The following INPP4B variants were observed in gnomAD, a reference collection of about 807,000 sequenced individuals.
The protein encoded by INPP4B is inositol polyphosphate-4-phosphatase type II B.
INPP4B carries 55 observed loss-of-function variants against 122.5 expected under a neutral mutation model. The ratio of observed to expected loss-of-function variants is 0.45; its 90% confidence interval spans 0.36 to 0.56. INPP4B has a LOEUF of 0.56. INPP4B is among the 20% of genes least tolerant of loss of function. INPP4B has a pLI of 0.00. For synonymous variants in INPP4B, 403 were observed against 388.7 expected (o/e 1.04, Z -0.43); for missense variants, 1,000 against 1,097.7 (o/e 0.91, Z 1.26).
chr4:142,623,098 C>T (rs1745335220), intron 2 of INPP4B, among the ~76,000 whole-genome samples: 1 of 151,946 alleles, frequency 6.6e-6, no homozygotes, highest in South Asian at 2.1e-4. Context: ...ATGGAAACTC[C>T]AGAGTCAAAT....
At chr4:142,801,498 A>G (rs1778005084) in intron 1 of INPP4B, among the ~76,000 whole-genome samples, 1 of 152,218 alleles carries the variant, frequency 6.6e-6, no homozygotes, top group Non-Finnish European at 1.5e-5. Context: ...GAGTGGAGGC[A>G]TCTGCAAGCC....
At chr4:142,759,421 C>T (rs1168578494) in intron 1 of INPP4B, among the ~76,000 whole-genome samples, 2 of 152,134 alleles carry the variant, frequency 1.3e-5, no homozygotes, top group Non-Finnish European at 2.9e-5. Context: ...TGAACCCAAA[C>T]TCTATTAGAG....
At chr4:142,136,589 A>C (rs1804401109) in intron 18 of INPP4B, among the ~76,000 whole-genome samples, 1 of 152,162 alleles carries the variant, frequency 6.6e-6, no homozygotes, top group Non-Finnish European at 1.5e-5. Context: ...TTCTCAGAAG[A>C]GTTTAATATG....
chr4:142,042,548 A>G (rs531470181), intron 25 of INPP4B, among the ~76,000 whole-genome samples: 5 of 30,852 alleles, frequency 1.6e-4, no homozygotes, highest in South Asian at 1.5e-3. Context: ...GTATGTATGT[A>G]TGTATGTATG....
At chr4:142,394,435 G>A (rs1166146410) in intron 7 of INPP4B, among the ~76,000 whole-genome samples, 4 of 152,250 alleles carry the variant, frequency 2.6e-5, no homozygotes, top group East Asian at 3.9e-4. Flanking sequence ...TACAGCCACC[G>A]CACCTGGCCA....
intron 2 of INPP4B, among the ~76,000 whole-genome samples, chr4:142,512,253 G>A (rs1046287338): frequency 2.6e-5 from 4 of 152,096 alleles, no homozygotes; most frequent in South Asian, 2.1e-4. Context: ...TAGGTATACA[G>A]CACCATGCTA....
chr4:142,152,066 C>CTTTTTTTTTTTTTTTTTTTTTTTTTT lies in INPP4B; in HGVS notation c.1564-6096_1564-6071dup, dbSNP rs572092121. Among the ~76,000 whole-genome samples, 12 of 69,954 alleles carry CTTTTTTTTTTTTTTTTTTTTTTTTTT rather than the reference C, an allele frequency of 1.7e-4. 2 individuals carry two copies. Among genetic ancestry groups the CTTTTTTTTTTTTTTTTTTTTTTTTTT allele is most frequent in the African/African-American group, 6.7e-4 (12 of 18,004 alleles). 45.9% of individuals were successfully genotyped at this position (69,954 alleles called of 152,430 possible). ...TGCCTAACATGCTTTTTTGTCTTTT[C>CTTTTTTTTTTTTTTTTTTTTTTTTTT]TTTTTTTTTTTTTTTTTTTTTTTTT... On this transcript the variant is annotated intron_variant, in intron 17 of 25. Transcript: ENST00000262992.
chr4:142,158,729 G>T (rs899849578), intron 17 of INPP4B, among the ~76,000 whole-genome samples: 1 of 151,586 alleles, frequency 6.6e-6, no homozygotes, highest in East Asian at 1.9e-4. Flanking sequence ...TTAATAAAAG[G>T]TTTCAAAAAT....
intron 25 of INPP4B, among the ~76,000 whole-genome samples, chr4:142,055,009 G>A (rs964292640): frequency 3.3e-5 from 5 of 152,026 alleles, no homozygotes; most frequent in African/African-American, 9.7e-5. Context: ...ATATACATGT[G>A]TATATGTTTG....
intron 1 of INPP4B, among the ~76,000 whole-genome samples, chr4:142,812,552 G>C (rs1426830907): frequency 6.6e-6 from 1 of 151,976 alleles, no homozygotes; most frequent in African/African-American, 2.4e-5. Flanking sequence ...GTATTGTAAT[G>C]GACATAAGCA....
At chr4:142,761,374 G>A (rs2150974461) in intron 1 of INPP4B, among the ~76,000 whole-genome samples, 1 of 152,086 alleles carries the variant, frequency 6.6e-6, no homozygotes, top group South Asian at 2.1e-4. Context: ...TGAGAATAGA[G>A]AAAATGTACT....
chr4:142,476,787 A>G (rs565760437), intron 2 of INPP4B, among the ~76,000 whole-genome samples: 95 of 152,330 alleles, frequency 6.2e-4, no homozygotes, highest in Middle Eastern at 6.8e-3. Flanking sequence ...CCAATGCAGG[A>G]GCACCCAGAT....
intron 6 of INPP4B, among the ~76,000 whole-genome samples, chr4:142,404,170 A>C (rs906739447): frequency 3.3e-5 from 5 of 152,184 alleles, no homozygotes; most frequent in Non-Finnish European, 7.4e-5. Context: ...CCAACACTGG[A>C]ACCTAAAGTT....
intron 10 of INPP4B, among the ~76,000 whole-genome samples, chr4:142,260,967 A>C (rs1426797554): frequency 6.6e-6 from 1 of 152,218 alleles, no homozygotes; most frequent in Non-Finnish European, 1.5e-5. Flanking sequence ...TGCAACTTTA[A>C]ATAAAAGACA....
At chr4:142,424,053 T>G (rs1174607472) in intron 5 of INPP4B, among the ~76,000 whole-genome samples, 1 of 152,016 alleles carries the variant, frequency 6.6e-6, no homozygotes, top group African/African-American at 2.4e-5. Context: ...ACACAAACCA[T>G]CTGCTCATAC....
At chr4:142,790,233 G>A (rs1327941836) in intron 1 of INPP4B, among the ~76,000 whole-genome samples, 1 of 151,930 alleles carries the variant, frequency 6.6e-6, no homozygotes, top group Non-Finnish European at 1.5e-5. Context: ...AAATTGCTGG[G>A]ACTTAATTAA....
chr4:142,778,430 T>C (rs1350804394), intron 1 of INPP4B, among the ~76,000 whole-genome samples: 1 of 152,190 alleles, frequency 6.6e-6, no homozygotes, highest in Non-Finnish European at 1.5e-5. Flanking sequence ...ATTCCTGTTT[T>C]ATTATTTTAA....
Position 142,843,313 on chromosome 4 carries a change from A to T in INPP4B, c.-254+2896T>A, listed in dbSNP as rs565399167. Among the ~76,000 whole-genome samples, 3 of 152,006 alleles carry T rather than the reference A, an allele frequency of 2.0e-5. No individual in the cohort carries two copies. The South Asian group carries it at 6.2e-4, about 32-fold the overall frequency. ...TTCTGAAGCCTAAATATTATAGTAT[A>T]TATGATTAGAGTATGCTCTAAAGAG... On this transcript the variant is annotated intron_variant, in intron 1 of 25. Transcript: ENST00000262992.
chr4:142,659,362 C>T (rs779364172), intron 2 of INPP4B, among the ~76,000 whole-genome samples: 15 of 151,602 alleles, frequency 9.9e-5, no homozygotes, highest in African/African-American at 2.9e-4. Context: ...GCCAAGATCA[C>T]GCCACTGCAC....
Sources: allele counts gnomAD v4.1 joint callset (sites outside exome capture counted in the v4.1 genomes callset), GRCh38; gene constraint gnomAD v4.1.1; transcripts MANE v1.5; gene names NCBI Gene and HGNC (gene_info 2026-07-23, HGNC 2026-07-21).